Variants in CUX1 observed in about 807,000 individuals in gnomAD.
CUX1 encodes the protein cut like homeobox 1, also known as protein CASP.
CUX1 carries 31 observed loss-of-function variants against 158.8 expected under a neutral mutation model. The observed-to-expected ratio is 0.20, with a 90% CI of 0.15 to 0.26. CUX1 has a LOEUF of 0.26. Among genes scored for constraint, CUX1 ranks in the 10% least tolerant of loss-of-function variants. CUX1 has a pLI of 1.00. For synonymous variants in CUX1, 879 were observed against 862.1 expected (o/e 1.02, Z -0.34); for missense variants, 1,589 against 2,014.6 (o/e 0.79, Z 4.04).
intron 3 of CUX1, among the ~76,000 whole-genome samples, chr7:102,030,691 G>GTTTTTTTTTTTTTTTTTTTTTTTTT (rs71119801): frequency 9.2e-5 from 11 of 119,384 alleles, no homozygotes; most frequent in African/African-American, 2.5e-4. Context: ...TTTAAAAAGT[G>GTTTTTTTTTTTTTTTTTTTTTTTTT]TTTTTTTTTT....
intron 8 of CUX1, among the ~76,000 whole-genome samples, chr7:102,125,962 G>A (rs1554495082): frequency 6.6e-6 from 1 of 151,720 alleles, no homozygotes; most frequent in African/African-American, 2.4e-5. Flanking sequence ...CCAAGTAGCT[G>A]GAATTATAGG....
Position 102,254,330 on chromosome 7 carries a change from G to C in CUX1, c.*5288G>C. 1 of 985,496 alleles carries C rather than the reference G, an allele frequency of 1.0e-6. No homozygotes were observed. The highest frequency in any genetic ancestry group is 1.2e-6 in the Non-Finnish European group (1 of 830,016). The allele number at this position is 985,496 out of a possible 1,614,324, so 61.0% of individuals were successfully genotyped here. ...CCAGCTGGCTTTGGGGAACACTGTA[G>C]CTCTTGGGTGTCTCTTGTCTCTGGC... On this transcript the variant is annotated 3_prime_UTR_variant, in exon 24 of 24. Coordinates refer to ENST00000292535, the MANE Select transcript of CUX1 (RefSeq NM_181552.4).
chr7:102,181,472 T>A (rs1563364448), intron 11 of CUX1, among the ~76,000 whole-genome samples: 1 of 152,244 alleles, frequency 6.6e-6, no homozygotes, highest in Non-Finnish European at 1.5e-5. Flanking sequence ...TCACATTTTT[T>A]ATTATAGAGC....
chr7:102,239,432 G>A lies in CUX1; in HGVS notation c.3735G>A (p.Lys1245=). 1 of 1,613,956 alleles carries A rather than the reference G, an allele frequency of 6.2e-7. No homozygotes were observed. Among genetic ancestry groups the A allele is most frequent in the Non-Finnish European group, 8.5e-7 (1 of 1,179,926 alleles). Residue 1245 remains lysine, a synonymous_variant, in exon 23 of 24, where the codon AAG becomes AAA. Transcript: ENST00000292535. ...GASPQPQHQL[K]KPRVVLAPEE... Reference sequence around the variant, plus strand: ...GCCCCCAGCCCCAGCACCAGCTGAAGAAACCCCGGGTGGTGCTGGCTCCGG... The same window carrying A: ...GCCCCCAGCCCCAGCACCAGCTGAAAAAACCCCGGGTGGTGCTGGCTCCGG...
intron 23 of CUX1, among the ~76,000 whole-genome samples, chr7:102,242,848 G>A (rs902177494): frequency 1.7e-4 from 26 of 152,184 alleles, no homozygotes; most frequent in African/African-American, 5.8e-4. Context: ...GTAGTCTGCG[G>A]TCATTGTGGG....
upstream of CUX1, chr7:101,816,918 G>A: frequency 5.1e-6 from 5 of 981,306 alleles, no homozygotes; most frequent in Non-Finnish European, 6.0e-6. Context: ...CTCCCGGCGC[G>A]GACCCCCGGG....
intron 1 of CUX1, among the ~76,000 whole-genome samples, chr7:101,881,768 C>T (rs1190701558): frequency 1.3e-5 from 2 of 152,170 alleles, no homozygotes; most frequent in East Asian, 1.9e-4. Flanking sequence ...GTCACTTGGG[C>T]ATCCAGAAAC....
intron 3 of CUX1, among the ~76,000 whole-genome samples, chr7:102,034,061 G>A (rs758638105): frequency 1.6e-5 from 2 of 127,636 alleles, no homozygotes; most frequent in Non-Finnish European, 3.1e-5. Context: ...CAGGAGAATC[G>A]CTTAAACCCA....
rs186506691 is a variant in CUX1, at chr7:102,045,509, T to G, written c.189+17364T>G. ...AGTTAACCTCTTAAAGACCCGGAGC[T>G]GCTTTCTGTTGAATAAATGTAATTT... On this transcript the variant is annotated intron_variant, in intron 3 of 23. Coordinates refer to ENST00000292535, the MANE Select transcript of CUX1 (RefSeq NM_181552.4). Among the ~76,000 whole-genome samples the G allele has an allele frequency of 4.3e-4, 66 of 152,378 alleles. 1 individual carries two copies. The East Asian group carries it at 0.012, about 29-fold the overall frequency.
intron 2 of CUX1, among the ~76,000 whole-genome samples, chr7:101,997,043 T>C (rs1816008890): frequency 6.6e-6 from 1 of 150,752 alleles, no homozygotes; most frequent in African/African-American, 2.5e-5. Flanking sequence ...TACCTGGCTC[T>C]TGTCTTGTGT....
chr7:102,189,138 G>C (rs1273073909), intron 11 of CUX1, among the ~76,000 whole-genome samples: 1 of 152,120 alleles, frequency 6.6e-6, no homozygotes, highest in Non-Finnish European at 1.5e-5. Flanking sequence ...CAATACAAAA[G>C]GGCTGTGTCT....
In CUX1 at chr7:102,202,209, G is replaced by A; in HGVS notation, c.2907+5G>A. The A allele has an allele frequency of 3.8e-6, 6 of 1,597,120 alleles. No individual in the cohort carries two copies. The South Asian group carries it at 6.8e-5, about 18-fold the overall frequency. On this transcript the variant is annotated splice_donor_5th_base_variant and intron_variant, in intron 18 of 23. Transcript: ENST00000292535. ...CAGAGAATCTTCGGGGAGAAGGTAA[G>A]GGATCTGCTCTGGGGGCTTTGGTTC...
chr7:102,224,635 C>G (rs1384746309), intron 20 of CUX1, among the ~76,000 whole-genome samples: 1 of 152,198 alleles, frequency 6.6e-6, no homozygotes, highest in African/African-American at 2.4e-5. Flanking sequence ...GCCTGGAGCA[C>G]AGAGGGACAC....
At chr7:102,036,932 T>C (rs1406143752) in intron 3 of CUX1, among the ~76,000 whole-genome samples, 1 of 151,730 alleles carries the variant, frequency 6.6e-6, no homozygotes, top group Non-Finnish European at 1.5e-5. Context: ...GGCTGCTATC[T>C]GTAATCCCAG....
intron 3 of CUX1, among the ~76,000 whole-genome samples, chr7:102,028,969 T>C (rs1213505529): frequency 6.6e-6 from 1 of 151,020 alleles, no homozygotes; most frequent in African/African-American, 2.4e-5. Flanking sequence ...AAAGAGCCCA[T>C]ATTGGTACAG....
At chr7:101,982,415 C>CT (rs898783939) in intron 2 of CUX1, among the ~76,000 whole-genome samples, 127 of 149,706 alleles carry the variant, frequency 8.5e-4, no homozygotes, top group East Asian at 2.0e-3. Context: ...TTTTAAATTT[C>CT]TTTTTTTTTT....
At chr7:101,914,602 G>A (rs1165863135) in intron 1 of CUX1, among the ~76,000 whole-genome samples, 3 of 151,556 alleles carry the variant, frequency 2.0e-5, no homozygotes, top group East Asian at 1.9e-4. Flanking sequence ...CGGTTCAAGC[G>A]ATTCTCTTGC....
intron 1 of CUX1, among the ~76,000 whole-genome samples, chr7:101,833,007 T>G (rs1794226740): frequency 6.6e-6 from 1 of 152,128 alleles, no homozygotes; most frequent in African/African-American, 2.4e-5. Context: ...GGAAAGTAAC[T>G]TCGGGGCTGG....
intron 1 of CUX1, among the ~76,000 whole-genome samples, chr7:101,873,388 A>G (rs547612648): frequency 8.1e-6 from 1 of 124,148 alleles, no homozygotes; most frequent in Non-Finnish European, 1.6e-5. Flanking sequence ...GGGCCTCACT[A>G]TGTTGCCCAG....
Sources: gnomAD v4.1 joint callset for allele counts (sites outside exome capture counted in the v4.1 genomes callset) on GRCh38, gnomAD v4.1.1 for gene constraint, MANE v1.5 for transcripts, NCBI Gene and HGNC (gene_info 2026-07-23, HGNC 2026-07-21) for gene names.